MUC6: variants seen among roughly 807,000 people sequenced by gnomAD.
The protein encoded by MUC6 is mucin 6, oligomeric mucus/gel-forming (gene/pseudogene).
Under a neutral mutation model 201.5 loss-of-function variants are expected in MUC6, and 188 were observed. That is an observed-to-expected ratio of 0.93 (90% CI 0.83 to 1.05). MUC6 has a LOEUF of 1.05. MUC6 is among the 50% of genes least tolerant of loss of function. The pLI, the probability that MUC6 is intolerant of heterozygous loss-of-function variation, is 0.00. For missense variants in MUC6, 2,706 were observed against 3,256.9 expected (o/e 0.83, Z 4.12); for synonymous variants, 1,228 against 1,389.4 (o/e 0.88, Z 2.58).
At chr11:1,030,925 C>A in intron 6 of MUC6, 22 bp downstream of exon 6, 1 of 1,552,956 alleles carries the variant, frequency 6.4e-7, no homozygotes, top group East Asian at 2.4e-5. Flanking sequence ...GGGTCAGCCC[C>A]ACCTGGAGCC....
chr11:1,013,688 C>G, intron 32 of MUC6, 55 bp from the exon 33 acceptor site: 1 of 1,518,984 alleles, frequency 6.6e-7, no homozygotes, highest in South Asian at 1.2e-5. Flanking sequence ...GCATAAGGCC[C>G]CTCCCTCCCC....
At chr11:1,036,033 G>A (rs541913847) in intron 1 of MUC6, among the ~76,000 whole-genome samples, 39 of 152,238 alleles carry the variant, frequency 2.6e-4, no homozygotes, top group Non-Finnish European at 1.6e-4. Context: ...CCCGAGCTGG[G>A]TAGGGGAGCG....
At chr11:1,022,116 C>T (rs1202791474) in intron 26 of MUC6, among the ~76,000 whole-genome samples, 14 of 146,658 alleles carry the variant, frequency 9.5e-5, no homozygotes, top group African/African-American at 3.4e-4. Flanking sequence ...TCTGCAGCCC[C>T]GCGCCCCTCA....
At position 1,020,097 on chromosome 11, in the gene MUC6, G is replaced by A; in HGVS notation, c.3801C>T (p.Ser1267=). Residue 1267 remains serine (S), a synonymous_variant, in exon 29 of 33, where the codon TCC becomes TCT. Coordinates refer to ENST00000421673, the MANE Select transcript of MUC6 (RefSeq NM_005961.3). ...ATLTSSKPTA[S]SGEPPRPTTA... ...CAGCTGGAGGCTCCTTACCTCCCGA[G>A]GAGGCTGTGGGCTTGGAGGATGTGA... The A allele has an allele frequency of 1.2e-6, 2 of 1,613,574 alleles. No homozygotes were observed. Among genetic ancestry groups the A allele is most frequent in the Non-Finnish European group, 1.7e-6 (2 of 1,179,856 alleles).
Position 1,031,982 on chromosome 11 carries a change from AGTC to A in MUC6, c.184_186del (p.Asp62del), listed in dbSNP as rs772920482. On this transcript the variant is annotated inframe_deletion, in exon 3 of 33. Transcript: ENST00000421673. ...AAGATGTAGTTGCACGTCCCCGAGA[AGTC>A]GTACACGTGGTGGTCGAAGGTGGAG... is the stretch of plus-strand genomic sequence containing the variant. The A allele has an allele frequency of 3.1e-6, 5 of 1,613,572 alleles. No individual in the cohort carries two copies. In the East Asian group the frequency reaches 6.7e-5, roughly 22 times the overall value.
At chr11:1,020,599 C>T in intron 28 of MUC6, 85 bp downstream of exon 28, 1 of 1,576,676 alleles carries the variant, frequency 6.3e-7, no homozygotes, top group Non-Finnish European at 8.7e-7. Flanking sequence ...CTCCCTGCTT[C>T]CCACCCGACA....
rs770214150 is a variant in MUC6, at chr11:1,030,965, G to A, written c.666C>T (p.His222=). 26 of 1,581,004 alleles carry A rather than the reference G, an allele frequency of 1.6e-5. No homozygotes were observed. The African/African-American group carries it at 2.0e-4, about 12-fold the overall frequency. Residue 222 remains histidine, a synonymous_variant, in exon 6 of 33, where the codon CAC becomes CAT. Transcript: ENST00000421673. ...TGCTTACGTGCTGGGCCTGCCGGAC[G>A]TGGGTGCTGGGGATGTCCTGGAAGG... ...ICTFQDIPST[H]VRQAQHARIC...
chr11:1,027,730 G>C lies in MUC6; in HGVS notation c.1936C>G (p.Arg646Gly), dbSNP rs372936851. The C allele has an allele frequency of 1.9e-6, 3 of 1,607,408 alleles. No individual in the cohort carries two copies. Among genetic ancestry groups the C allele is most frequent in the Middle Eastern group, 3.3e-4 (2 of 6,060 alleles). ...CTCCAGCCCCAGAGCAGGACGCCCC[G>C]CAAGGAGCAGGCGTGTACGTAGTCG... ...LGDYVHACSL[R>G]GVLLWGWRSS... The change falls in exon 16 of 33, where the codon CGG becomes GGG. Residue 646 changes from arginine to glycine, a missense_variant. Transcript: ENST00000421673.
rs1163594009 is a variant in MUC6, at chr11:1,027,666, A to G, written c.1981+19T>C. ...GCCCAGCCTGCCGTGACCCCGCTTA[A>G]GCCCCGTCGGGCACTCACTGCAGTT... On this transcript the variant is annotated intron_variant, in intron 16 of 32. Coordinates refer to ENST00000421673, the MANE Select transcript of MUC6 (RefSeq NM_005961.3). The G allele has an allele frequency of 6.3e-7, 1 of 1,588,360 alleles. No individual in the cohort carries two copies. The highest frequency in any genetic ancestry group is 1.3e-5 in the African/African-American group (1 of 74,240).
chr11:1,024,947 C>A lies in MUC6; in HGVS notation c.3122G>T (p.Ser1041Ile), dbSNP rs1856916257. ...WKESPLCGDVSFVTDPCSLNA... is the reference protein window; with the variant it reads ...WKESPLCGDVIFVTDPCSLNA... ...GAGACTGCAGGGGTCTGTCACGAAG[C>A]TCACGTCCCCGCACAGCGGGCTCTC... The change falls in exon 24 of 33, where the codon AGC becomes ATC. Residue 1041 changes from serine (S) to isoleucine (I), a missense_variant. Physicochemically the swap from Ser to Ile is moderately radical, Grantham distance 142. This residue lies in a region of MUC6 where 1,850 missense variants were observed against 1,958.3 expected (regional missense o/e 0.94). Transcript: ENST00000421673. The A allele has an allele frequency of 1.2e-6, 2 of 1,613,040 alleles. No individual in the cohort carries two copies. The highest frequency in any genetic ancestry group is 1.7e-6 in the Non-Finnish European group (2 of 1,179,886).
In MUC6 at chr11:1,025,817, C is replaced by G. The variant is rs745934353; in HGVS notation, c.2787G>C (p.Lys929Asn). 1 of 1,612,356 alleles carries G rather than the reference C, an allele frequency of 6.2e-7. No individual in the cohort carries two copies. Among genetic ancestry groups the G allele is most frequent in the Non-Finnish European group, 8.5e-7 (1 of 1,179,662 alleles). ...CCCGGCTGCTCACCCCCAGGAAGATCTTGATGGCCCGTGAGCATGTGACCC... is the reference window on the plus strand; with the variant it reads ...CCCGGCTGCTCACCCCCAGGAAGATGTTGATGGCCCGTGAGCATGTGACCC... ...NSGVTCSRAI[K>N]IFLGGLSVVL... Residue 929 changes from lysine (K) to asparagine (N), a missense_variant, in exon 22 of 33, where the codon AAG (lysine) becomes AAC (asparagine). This residue lies in a region of MUC6 where 1,850 missense variants were observed against 1,958.3 expected (regional missense o/e 0.94). Coordinates refer to ENST00000421673, the MANE Select transcript of MUC6 (RefSeq NM_005961.3).
chr11:1,030,066 G>A (rs1180505494), intron 8 of MUC6, 147 bp downstream of exon 8: 2 of 1,106,062 alleles, frequency 1.8e-6, no homozygotes, highest in South Asian at 3.3e-5. Context: ...GGAAAAGCCT[G>A]TCCCAGGGCA....
chr11:1,018,808 T>C (rs1373389035), intron 30 of MUC6, 38 bp from the exon 31 acceptor site: 1 of 1,530,616 alleles, frequency 6.5e-7, no homozygotes, highest in Non-Finnish European at 8.7e-7. Flanking sequence ...TTATTGTTTT[T>C]GTTTCTCTAC....
chr11:1,020,290 G>C lies in MUC6; in HGVS notation c.3641-33C>G, dbSNP rs371757347. On this transcript the variant is annotated intron_variant, in intron 28 of 32. Coordinates refer to ENST00000421673, the MANE Select transcript of MUC6 (RefSeq NM_005961.3). ...GGCGGACATGCCATCAGGGCTGCAG[G>C]GTACCGGCATATCCTTGGGGAGCAC... 29 of 1,576,534 alleles carry C rather than the reference G, an allele frequency of 1.8e-5. No homozygotes were observed. In the African/African-American group the frequency reaches 3.6e-4, roughly 19 times the overall value.
At chr11:1,031,119 C>T in intron 5 of MUC6, 50 bp downstream of exon 5, 2 of 495,114 alleles carry the variant, frequency 4.0e-6, no homozygotes, top group Non-Finnish European at 6.8e-6. Flanking sequence ...CCTGCCCTGC[C>T]CCCCACCTAG....
chr11:1,018,281 C>G lies in MUC6; in HGVS notation c.4520G>C (p.Ser1507Thr), dbSNP rs796398923. 1.9e-6 allele frequency: 3 copies of G among 1,551,804 alleles called. No homozygotes were observed. The Admixed American group carries it at 5.5e-5, about 29-fold the overall frequency. Residue 1507 changes from serine (S) to threonine (T), a missense_variant, in exon 31 of 33, where the codon AGT (serine) becomes ACT (threonine). By Grantham distance (58) the Ser-to-Thr change is moderately conservative. Around this residue, in one of 10 missense-constraint regions of MUC6, gnomAD observed 128 missense variants for 206.5 expected, o/e 0.62. Coordinates refer to ENST00000421673, the MANE Select transcript of MUC6 (RefSeq NM_005961.3). ...HTAPPITPTT[S>T]GTSQAHSSFS... ...TGAGCTGTGGGCTTGGCTGGTCCCACTGGTGGTCGGCGTTATTGGTGGGGC... is the reference window on the plus strand; with the variant it reads ...TGAGCTGTGGGCTTGGCTGGTCCCAGTGGTGGTCGGCGTTATTGGTGGGGC...
Position 1,030,611 on chromosome 11 carries a change from C to A in MUC6, c.854G>T (p.Gly285Val). The A allele has an allele frequency of 1.3e-6, 2 of 1,525,766 alleles. No individual in the cohort carries two copies. The highest frequency in any genetic ancestry group is 2.1e-4 in the Middle Eastern group (1 of 4,836). The allele number at this position is 1,525,766 out of a possible 1,614,324, so 94.5% of individuals were successfully genotyped here. The change falls in exon 7 of 33, where the codon GGC becomes GTC. Residue 285 changes from glycine to valine, a missense_variant. Transcript: ENST00000421673. Reference protein sequence around the residue: ...SEYSRQCSMVGQPVRRWRSPG... With the variant: ...SEYSRQCSMVVQPVRRWRSPG... ...GCTCCGCCAGCGGCGGACCGGCTGG[C>A]CCACCATGCTGCACTGGCGGGAGTA...
Position 1,026,437 on chromosome 11 carries a change from G to A in MUC6, c.2436C>T (p.Gly812=), listed in dbSNP as rs1417684922. The change falls in exon 20 of 33, where the codon GGC becomes GGT. Residue 812 remains glycine (G), a synonymous_variant. Transcript: ENST00000421673. The part of the protein sequence containing the change: ...KCEPGCVCAE[G]LYENADGQCV... The stretch of plus-strand genomic sequence containing the variant: ...ACTGCCCGTCGGCATTCTCGTAGAG[G>A]CCCTCGGCGCAGACACAGCCAGGCT... 2 of 1,607,610 alleles carry A rather than the reference G, an allele frequency of 1.2e-6. No homozygotes were observed. The highest frequency in any genetic ancestry group is 1.7e-6 in the Non-Finnish European group (2 of 1,177,888).
chr11:1,020,244 C>T lies in MUC6; in HGVS notation c.3654G>A (p.Thr1218=), dbSNP rs764333673. The change falls in exon 29 of 33, where the codon ACG becomes ACA. Residue 1218 remains threonine, a synonymous_variant. Transcript: ENST00000421673. ...AGGTTCCCGTCATGGGCCAGACTTG[C>T]GTGGGCCGTGAGCCTGGGTGGGCGG... ...PQLPTTGSRP[T]QVWPMTGTST... is the part of the protein sequence containing the mutation. 3.1e-5 allele frequency: 49 copies of T among 1,606,312 alleles called. No homozygotes were observed. Among genetic ancestry groups the T allele is most frequent in the African/African-American group, 4.0e-5 (3 of 74,484 alleles).
Sources: allele counts gnomAD v4.1 joint callset (sites outside exome capture counted in the v4.1 genomes callset), GRCh38; gene constraint gnomAD v4.1.1; regional missense constraint gnomAD v4.1.1; transcripts MANE v1.5; gene names NCBI Gene and HGNC (gene_info 2026-07-23, HGNC 2026-07-21).